Variants in IL1RAPL1 observed in about 807,000 individuals in gnomAD.
The protein encoded by IL1RAPL1 is interleukin-1 receptor accessory protein-like 1.
A neutral mutation model predicts 48.4 loss-of-function variants in IL1RAPL1; 3 were observed. The ratio of observed to expected loss-of-function variants is 0.06; its 90% CI spans 0.03 to 0.16. The LOEUF is 0.16. Ranked by LOEUF, IL1RAPL1 falls within the 10% of genes least tolerant of loss-of-function variation. IL1RAPL1 has a pLI of 1.00. For synonymous variants in IL1RAPL1, 185 were observed against 187.7 expected (o/e 0.99, Z 0.12); for missense variants, 349 against 530.6 (o/e 0.66, Z 3.36).
At position 28,996,012 on chromosome X, in the gene IL1RAPL1, C is replaced by T. The variant is rs781117422; in HGVS notation, c.82+206587C>T. ...GATGCAGTGGATTACAGGATATTCA[C>T]GGTGTTGTGCAACCTTTACCAAAAT... On this transcript the variant is annotated intron_variant, in intron 2 of 10. Transcript: ENST00000378993. Among the ~76,000 whole-genome samples, 15 of 111,144 alleles carry T rather than the reference C, an allele frequency of 1.3e-4. No homozygotes were observed. In the South Asian group the frequency reaches 4.9e-3, roughly 37 times the overall value.
intron 2 of IL1RAPL1, among the ~76,000 whole-genome samples, chrX:29,224,274 AAGTCACT>A (rs1418181739): frequency 9.0e-6 from 1 of 111,334 alleles, no homozygotes; most frequent in East Asian, 2.8e-4. Flanking sequence ...AACATTTCCA[AAGTCACT>A]AGGTTTAAAT....
chrX:28,646,043 C>A (rs1934604475), intron 1 of IL1RAPL1, among the ~76,000 whole-genome samples: 1 of 111,850 alleles, frequency 8.9e-6, no homozygotes, highest in African/African-American at 3.3e-5. Flanking sequence ...GAGTAAGAAT[C>A]CTAAATGTAA....
chrX:28,590,776 G>T (rs770030327), intron 1 of IL1RAPL1, among the ~76,000 whole-genome samples: 19 of 111,691 alleles, frequency 1.7e-4, no homozygotes, highest in African/African-American at 5.5e-4. Context: ...ACCAAGCAGG[G>T]CATAGGTTTT....
Position 29,399,323 on chromosome X carries a change from C to T in IL1RAPL1, c.703+15C>T. 1 of 1,171,356 alleles carries T rather than the reference C, an allele frequency of 8.5e-7. No homozygotes were observed. The highest frequency in any genetic ancestry group is 1.8e-5 in the South Asian group (1 of 55,514). ...AACTGTTACAGGTAATCACAGTCTT[C>T]AATATTTCACTTGCAAGTGATGAAA... On this transcript the variant is annotated intron_variant, in intron 5 of 10. Coordinates refer to ENST00000378993, the MANE Select transcript of IL1RAPL1 (RefSeq NM_014271.4).
chrX:29,404,427 A>G (rs1349749273), intron 5 of IL1RAPL1, among the ~76,000 whole-genome samples: 1 of 110,485 alleles, frequency 9.1e-6, no homozygotes, highest in East Asian at 2.8e-4. Context: ...TTTTTACATC[A>G]ATTTTCCTTC....
intron 1 of IL1RAPL1, among the ~76,000 whole-genome samples, chrX:28,655,373 A>G (rs1232875458): frequency 3.6e-5 from 4 of 111,291 alleles, no homozygotes; most frequent in Non-Finnish European, 5.7e-5. Context: ...TCTTCTTTCC[A>G]ACTTTTATTT....
chrX:29,691,710 G>C (rs1926774561), intron 6 of IL1RAPL1, among the ~76,000 whole-genome samples: 1 of 100,048 alleles, frequency 1.0e-5, no homozygotes, highest in South Asian at 4.9e-4. Context: ...CGCCACTGCA[G>C]TCCGCAGTCC....
chrX:29,254,074 A>G lies in IL1RAPL1; in HGVS notation c.83-28864A>G, dbSNP rs146051852. Among the ~76,000 whole-genome samples the G allele has an allele frequency of 3.0e-3, 331 of 111,656 alleles. 6 individuals carry two copies. In the East Asian group the frequency reaches 0.047, roughly 16 times the overall value. ...TATAATTGAGCTTAGACTGGATATAAAAGGGCAGAAGTGGAGAGCTAGATC... is the reference window on the plus strand; with the variant it reads ...TATAATTGAGCTTAGACTGGATATAGAAGGGCAGAAGTGGAGAGCTAGATC... On this transcript the variant is annotated intron_variant, in intron 2 of 10. Transcript: ENST00000378993.
intron 2 of IL1RAPL1, among the ~76,000 whole-genome samples, chrX:28,800,833 G>A (rs1206701420): frequency 2.8e-5 from 3 of 106,169 alleles, no homozygotes; most frequent in Non-Finnish European, 5.8e-5. Flanking sequence ...AAGGGCCTTT[G>A]CATATTAAAG....
At chrX:29,878,287 C>T (rs1180602948) in intron 6 of IL1RAPL1, among the ~76,000 whole-genome samples, 3 of 111,898 alleles carry the variant, frequency 2.7e-5, no homozygotes, top group Non-Finnish European at 1.9e-5. Context: ...GCGTCTTCTA[C>T]CCTCTATTGC....
chrX:29,422,490 A>C (rs1394617284), intron 5 of IL1RAPL1, among the ~76,000 whole-genome samples: 3 of 111,841 alleles, frequency 2.7e-5, no homozygotes, highest in Non-Finnish European at 5.6e-5. Flanking sequence ...AGTGTTTAAA[A>C]GTTTACACTA....
At chrX:29,736,700 TG>T (rs1364601591) in intron 6 of IL1RAPL1, among the ~76,000 whole-genome samples, 1 of 112,005 alleles carries the variant, frequency 8.9e-6, no homozygotes, top group African/African-American at 3.2e-5. Context: ...CACTCCAGCC[TG>T]GGCAACAGAG....
At chrX:28,915,211 C>T (rs1000841956) in intron 2 of IL1RAPL1, among the ~76,000 whole-genome samples, 16 of 111,460 alleles carry the variant, frequency 1.4e-4, no homozygotes, top group Non-Finnish European at 3.0e-4. Flanking sequence ...GGCGGTAATG[C>T]TTGCTTGCCC....
intron 1 of IL1RAPL1, among the ~76,000 whole-genome samples, chrX:28,666,725 G>A (rs1017272950): frequency 4.5e-5 from 5 of 111,990 alleles, no homozygotes; most frequent in African/African-American, 1.6e-4. Context: ...TATTCTGAAT[G>A]AAAGCTTTCT....
At chrX:29,545,183 CTATCTATCTAT>C (rs1921579026) in intron 5 of IL1RAPL1, among the ~76,000 whole-genome samples, 1 of 4,514 alleles carries the variant, frequency 2.2e-4, no homozygotes, top group African/African-American at 1.5e-3. Context: ...CTAATCCTAT[CTATCTATCTAT>C]CTATCTATCT....
At chrX:28,655,650 C>T (rs759541823) in intron 1 of IL1RAPL1, among the ~76,000 whole-genome samples, 84 of 111,594 alleles carry the variant, frequency 7.5e-4, no homozygotes, top group Middle Eastern at 4.6e-3. Context: ...ACTGACAGAT[C>T]GACAAAAGGC....
At chrX:29,835,616 C>T (rs748870410) in intron 6 of IL1RAPL1, among the ~76,000 whole-genome samples, 1 of 111,339 alleles carries the variant, frequency 9.0e-6, no homozygotes, top group South Asian at 3.7e-4. Flanking sequence ...TGGTAGAATT[C>T]AACAGTGAAC....
chrX:29,269,384 A>C (rs1932004924), intron 2 of IL1RAPL1, among the ~76,000 whole-genome samples: 1 of 111,334 alleles, frequency 9.0e-6, no homozygotes, highest in Non-Finnish European at 1.9e-5. Flanking sequence ...ACAGCTTTTC[A>C]CGTAAGTACT....
At chrX:29,798,335 A>G (rs910405293) in intron 6 of IL1RAPL1, among the ~76,000 whole-genome samples, 7 of 111,861 alleles carry the variant, frequency 6.3e-5, no homozygotes, top group African/African-American at 2.3e-4. Flanking sequence ...GTAGATTTTC[A>G]TCCTGAAAAG....
Sources: gnomAD v4.1 joint callset for allele counts (sites outside exome capture counted in the v4.1 genomes callset) on GRCh38, gnomAD v4.1.1 for gene constraint, MANE v1.5 for transcripts, NCBI Gene and HGNC (gene_info 2026-07-23, HGNC 2026-07-21) for gene names.